The following PLCG1 variants were observed in gnomAD, a reference collection of about 807,000 sequenced individuals.
PLCG1 encodes 1-phosphatidylinositol 4,5-bisphosphate phosphodiesterase gamma-1.
PLCG1 carries 71 observed loss-of-function variants against 177.8 expected under a neutral mutation model. The observed-to-expected ratio is 0.40, with a 90% CI of 0.33 to 0.49. PLCG1 has a LOEUF of 0.49. Among genes scored for constraint, PLCG1 ranks in the 20% least tolerant of loss-of-function variants. PLCG1 has a pLI of 0.72. For synonymous variants in PLCG1, 658 were observed against 647.9 expected (o/e 1.02, Z -0.24); for missense variants, 1,281 against 1,709.0 (o/e 0.75, Z 4.42).
rs1461314293 is a variant in PLCG1 at position 41,153,100 on chromosome 20, G to T, written c.218-6506G>T. Among the ~76,000 whole-genome samples the T allele has an allele frequency of 6.6e-6, 1 of 152,162 alleles. No homozygotes were observed. The highest frequency in any genetic ancestry group is 1.9e-4 in the East Asian group (1 of 5,194). On this transcript the variant is annotated intron_variant, in intron 1 of 31. Transcript: ENST00000685551. The surrounding 1 kb of genome is among the most constrained non-coding windows in gnomAD (Gnocchi z 5.1). ...AAAACCCCCAGAAGGGAAGGAACCTGTCCAGGAAATCTTCGCTTACCTCTT... is the reference window on the plus strand; with the variant it reads ...AAAACCCCCAGAAGGGAAGGAACCTTTCCAGGAAATCTTCGCTTACCTCTT...
In PLCG1 at chr20:41,163,224, T is replaced by C; in HGVS notation, c.738T>C (p.Leu246=). The change falls in exon 8 of 32, where the codon CTT becomes CTC. Residue 246 remains leucine, a synonymous_variant. Transcript: ENST00000685551. This position sits in a 1 kb window ranked among gnomAD's most constrained non-coding sequence, Gnocchi z 5.2. ...STLRAGERPE[L]CRVSLPEFQQ... is the part of the protein sequence containing the mutation. Reference sequence around the variant, plus strand: ...GCAGGGCTGGGGAGCGGCCGGAGCTTTGCCGAGTGTCCCTTCCTGAGTTCC... The same window carrying C: ...GCAGGGCTGGGGAGCGGCCGGAGCTCTGCCGAGTGTCCCTTCCTGAGTTCC... 6.5e-7 allele frequency: 1 copy of C among 1,547,102 alleles called. No homozygotes were observed. Among genetic ancestry groups the C allele is most frequent in the Non-Finnish European group, 8.7e-7 (1 of 1,148,948 alleles).
Position 41,166,661 on chromosome 20 carries a change from T to C in PLCG1, c.2121-18T>C, listed in dbSNP as rs760525546. The C allele has an allele frequency of 4.3e-6, 7 of 1,613,972 alleles. No homozygotes were observed. In the Admixed American group the frequency reaches 1.2e-4, roughly 27 times the overall value. On this transcript the variant is annotated intron_variant, in intron 18 of 31. Coordinates refer to ENST00000685551, the MANE Select transcript of PLCG1 (RefSeq NM_002660.3). This position sits in a 1 kb window ranked among gnomAD's most constrained non-coding sequence, Gnocchi z 8.6. ...CTGAGCTGCCCTGACCCTGTGTGAC[T>C]GTTTTGTCCTTGTGAAGGGCTGAGG...
chr20:41,138,977 G>C (rs1161522650), intron 1 of PLCG1, among the ~76,000 whole-genome samples: 1 of 152,190 alleles, frequency 6.6e-6, no homozygotes, highest in Non-Finnish European at 1.5e-5. Context: ...CCGGAGACTA[G>C]GGTTAGAGAG....
rs887128622 is a variant in PLCG1, at chr20:41,165,170, G to T, written c.1386+69G>T. 6 of 1,604,118 alleles carry T rather than the reference G, an allele frequency of 3.7e-6. No individual in the cohort carries two copies. Among genetic ancestry groups the T allele is most frequent in the Non-Finnish European group, 5.1e-6 (6 of 1,173,924 alleles). On this transcript the variant is annotated intron_variant, in intron 13 of 31. Transcript: ENST00000685551. This position sits in a 1 kb window ranked among gnomAD's most constrained non-coding sequence, Gnocchi z 6.6. ...CCTTGCCCAGGCCATGGCTTCAGCT[G>T]TTGGGCCTAAACCTGGGTGAGGAGG...
chr20:41,142,094 A>G (rs548357555), intron 1 of PLCG1, among the ~76,000 whole-genome samples: 1 of 152,392 alleles, frequency 6.6e-6, no homozygotes, highest in East Asian at 1.9e-4. Context: ...GAAAAGACAG[A>G]TGTAGAGGCA....
At position 41,160,789 on chromosome 20, in the gene PLCG1, C is replaced by T. The variant is rs2035469283; in HGVS notation, c.512+636C>T. 6.6e-6 allele frequency among the ~76,000 whole-genome samples: 1 copy of T among 152,098 alleles called. No homozygotes were observed. The highest frequency in any genetic ancestry group is 2.4e-5 in the African/African-American group (1 of 41,418). Reference sequence around the variant, plus strand: ...TTGAAGATAGCGCCAGAAAGAATGTCCTTAACAGATTGATTTTGGGGTGTG... The same window carrying T: ...TTGAAGATAGCGCCAGAAAGAATGTTCTTAACAGATTGATTTTGGGGTGTG... On this transcript the variant is annotated intron_variant, in intron 4 of 31. Coordinates refer to ENST00000685551, the MANE Select transcript of PLCG1 (RefSeq NM_002660.3). This position sits in a 1 kb window ranked among gnomAD's most constrained non-coding sequence, Gnocchi z 5.5.
In PLCG1 at chr20:41,172,829, T is replaced by C. The variant is rs148833398; in HGVS notation, c.3231T>C (p.Phe1077=). The change falls in exon 27 of 32, where the codon TTT becomes TTC. Residue 1077 remains phenylalanine (F), a synonymous_variant. Transcript: ENST00000685551. The surrounding 1 kb of genome is among the most constrained non-coding windows in gnomAD (Gnocchi z 7.0). ...TGCGGGATGAGGCCTTCGACCCCTT[T>C]GACAAGAGCAGCCTCCGCGGGCTGG... ...STMRDEAFDP[F]DKSSLRGLEP... 3 of 1,614,070 alleles carry C rather than the reference T, an allele frequency of 1.9e-6. No individual in the cohort carries two copies. Among genetic ancestry groups the C allele is most frequent in the Non-Finnish European group, 2.5e-6 (3 of 1,180,050 alleles).
At chr20:41,162,299 C>A in intron 4 of PLCG1, 153 bp from the exon 5 acceptor site, 1 of 392,580 alleles carries the variant, frequency 2.5e-6, no homozygotes, top group Non-Finnish European at 4.8e-6. Flanking sequence ...AGGGACTAAC[C>A]TCACCCCATG....
Position 41,176,460 on chromosome 20 carries a change from G to C in PLCG1, c.*1951G>C, listed in dbSNP as rs965670672. On this transcript the variant is annotated 3_prime_UTR_variant, in exon 32 of 32. Transcript: ENST00000685551. ...AGGTTTCCTATCAGAGAAGGAAGAG[G>C]ACTGTGTAGGCCCTTCTGTTAGGGC... The C allele has an allele frequency of 6.6e-6, 1 of 152,212 alleles. No homozygotes were observed. The highest frequency in any genetic ancestry group is 1.5e-5 in the Non-Finnish European group (1 of 68,038). The allele number at this position is 152,212 out of a possible 1,614,324, so 9.4% of individuals were successfully genotyped here.
Position 41,174,031 on chromosome 20 carries a change from G to A in PLCG1, c.3645+20G>A, listed in dbSNP as rs138627036. ...GCCAAGGTATCTGCAGCAGGGGTGG[G>A]CTGGCCTGGGGTAGGTGGGAGGAGA... On this transcript the variant is annotated intron_variant, in intron 30 of 31. Transcript: ENST00000685551. The surrounding 1 kb of genome is among the most constrained non-coding windows in gnomAD (Gnocchi z 5.8). 0.016 allele frequency: 25,298 copies of A among 1,611,150 alleles called. 258 individuals are homozygous for A. The highest frequency in any genetic ancestry group is 0.019 in the Non-Finnish European group (22,173 of 1,177,540).
Position 41,172,349 on chromosome 20 carries a change from A to C in PLCG1, c.2905+60A>C, listed in dbSNP as rs1478467979. The C allele has an allele frequency of 6.3e-7, 1 of 1,579,254 alleles. No individual in the cohort carries two copies. The highest frequency in any genetic ancestry group is 1.3e-5 in the African/African-American group (1 of 74,184). On this transcript the variant is annotated intron_variant, in intron 25 of 31. Coordinates refer to ENST00000685551, the MANE Select transcript of PLCG1 (RefSeq NM_002660.3). This position sits in a 1 kb window ranked among gnomAD's most constrained non-coding sequence, Gnocchi z 7.0. ...CCTGGAGGGCCTGGTGGGTGCAAAAAGAGTATTTAGGTATCCCCCCAACAC... is the reference window on the plus strand; with the variant it reads ...CCTGGAGGGCCTGGTGGGTGCAAAACGAGTATTTAGGTATCCCCCCAACAC...
chr20:41,155,404 G>C (rs1432249283), intron 1 of PLCG1, among the ~76,000 whole-genome samples: 4 of 152,214 alleles, frequency 2.6e-5, no homozygotes, highest in Non-Finnish European at 5.9e-5. Context: ...CTGCAGACTT[G>C]CCAAGGCCTA....
chr20:41,139,377 C>T (rs1164751174), intron 1 of PLCG1, among the ~76,000 whole-genome samples: 1 of 152,198 alleles, frequency 6.6e-6, no homozygotes, highest in East Asian at 1.9e-4. Context: ...CTTCCTTACT[C>T]CCTATGCTGT....
chr20:41,173,530 T>G lies in PLCG1; in HGVS notation c.3390T>G (p.Phe1130Leu). 1 of 1,613,718 alleles carries G rather than the reference T, an allele frequency of 6.2e-7. No individual in the cohort carries two copies. The change falls in exon 28 of 32, where the codon TTT becomes TTG. Residue 1130 changes from phenylalanine (F) to leucine (L), a missense_variant. Phe to Leu is a conservative substitution (Grantham distance 22). This residue lies in a region of PLCG1 where 723 missense variants were observed against 1,030.0 expected (regional missense o/e 0.70). Transcript: ENST00000685551. The surrounding 1 kb of genome is among the most constrained non-coding windows in gnomAD (Gnocchi z 6.2). ...ACAGCACCAAGCAGAAGACAGAGTT[T>G]GTGGGTCAGTCTGTCTTCCCAGTCA... ...EYDSTKQKTEFVVDNGLNPVW... is the reference protein window; with the variant it reads ...EYDSTKQKTELVVDNGLNPVW...
intron 1 of PLCG1, among the ~76,000 whole-genome samples, chr20:41,145,512 C>T (rs1012173710): frequency 1.9e-4 from 29 of 152,160 alleles, no homozygotes; most frequent in African/African-American, 6.0e-4. Flanking sequence ...CATGGCCCTA[C>T]TTGAGCTGCC....
At position 41,156,193 on chromosome 20, in the gene PLCG1, C is replaced by T. The variant is rs528750732; in HGVS notation, c.218-3413C>T. 3.5e-4 allele frequency among the ~76,000 whole-genome samples: 53 copies of T among 152,280 alleles called. No individual in the cohort carries two copies. The highest frequency in any genetic ancestry group is 1.1e-3 in the African/African-American group (46 of 41,562). ...CTATTTCTTCATCAGAGTTTGTGAG[C>T]GATTCAATATAAGGGACTAAATCCC... On this transcript the variant is annotated intron_variant, in intron 1 of 31. Transcript: ENST00000685551. This position sits in a 1 kb window ranked among gnomAD's most constrained non-coding sequence, Gnocchi z 5.0.
chr20:41,159,867 C>T lies in PLCG1; in HGVS notation c.371-3C>T, dbSNP rs1383416879. ...GGGGCAGCTATTGATACCTTGCTCA[C>T]AGCCACATCTGAGGATGAAGTGAAC... On this transcript the variant is annotated splice_region_variant and splice_polypyrimidine_tract_variant and intron_variant, in intron 2 of 31. Transcript: ENST00000685551. The surrounding 1 kb of genome is among the most constrained non-coding windows in gnomAD (Gnocchi z 6.0). The T allele has an allele frequency of 2.5e-6, 4 of 1,613,896 alleles. No individual in the cohort carries two copies. Among genetic ancestry groups the T allele is most frequent in the African/African-American group, 1.3e-5 (1 of 74,914 alleles).
chr20:41,160,217 G>T lies in PLCG1; in HGVS notation c.512+64G>T. 2 of 1,456,728 alleles carry T rather than the reference G, an allele frequency of 1.4e-6. No individual in the cohort carries two copies. The highest frequency in any genetic ancestry group is 1.9e-6 in the Non-Finnish European group (2 of 1,039,498). The allele number at this position is 1,456,728 out of a possible 1,614,324, so 90.2% of individuals were successfully genotyped here. Reference sequence around the variant, plus strand: ...GATGGGCATCCAGAACCTTAGCCAGGCCTCTAAGTAGCTGCCCGGAGAGCC... The same window carrying T: ...GATGGGCATCCAGAACCTTAGCCAGTCCTCTAAGTAGCTGCCCGGAGAGCC... On this transcript the variant is annotated intron_variant, in intron 4 of 31. Coordinates refer to ENST00000685551, the MANE Select transcript of PLCG1 (RefSeq NM_002660.3). The surrounding 1 kb of genome is among the most constrained non-coding windows in gnomAD (Gnocchi z 5.5).
At position 41,173,916 on chromosome 20, in the gene PLCG1, C is replaced by A; in HGVS notation, c.3557-7C>A. ...TGGGCTGAGGGCCAGGCTTTTCCTC[C>A]TCCTAGGATACAGAGCAGTGCCTTT... On this transcript the variant is annotated splice_polypyrimidine_tract_variant and splice_region_variant and intron_variant, in intron 29 of 31. Coordinates refer to ENST00000685551, the MANE Select transcript of PLCG1 (RefSeq NM_002660.3). The surrounding 1 kb of genome is among the most constrained non-coding windows in gnomAD (Gnocchi z 6.2). The A allele has an allele frequency of 6.2e-7, 1 of 1,613,632 alleles. No homozygotes were observed.
Sources: gnomAD v4.1 joint callset for allele counts (sites outside exome capture counted in the v4.1 genomes callset) on GRCh38, gnomAD v4.1.1 for gene constraint, gnomAD v4.1.1 regional missense constraint, Gnocchi (gnomAD v3.1) non-coding constraint, MANE v1.5 for transcripts, NCBI Gene and HGNC (gene_info 2026-07-23, HGNC 2026-07-21) for gene names.